Variants in ZNF547 observed in about 807,000 individuals in gnomAD.
ZNF547 encodes the protein zinc finger protein 547.
A neutral mutation model predicts 7.7 loss-of-function variants in ZNF547; 4 were observed. The observed-to-expected ratio is 0.52, with a 90% CI of 0.26 to 1.20. The LOEUF is 1.20. ZNF547 is among the 50% of genes most tolerant of loss of function. The probability of loss-of-function intolerance (pLI) is 0.14; values close to 1 mark genes in which losing one functional copy is unlikely to be tolerated. For synonymous variants in ZNF547, 166 were observed against 166.2 expected, an observed-to-expected ratio of 1.00 and a Z score of 0.01; for missense variants, 449 against 485.8, an observed-to-expected ratio of 0.92 and a Z score of 0.71.
chr19:57,367,888 C>G (rs2088480618), intron 1 of ZNF547, among the ~76,000 whole-genome samples: 1 of 152,194 alleles, frequency 6.6e-6, no homozygotes, highest in Non-Finnish European at 1.5e-5. Context: ...CCAGCAAGCT[C>G]CCCTCAGAGC....
intron 2 of ZNF547, among the ~76,000 whole-genome samples, chr19:57,369,202 G>A (rs8109770): frequency 0.46 from 69,988 of 151,872 alleles, 17,388 homozygotes; most frequent in African/African-American, 0.63. Context: ...TGTTGGTGGT[G>A]ACTTGTCAAG....
intron 2 of ZNF547, among the ~76,000 whole-genome samples, chr19:57,371,470 G>T (rs1434245350): frequency 6.6e-6 from 1 of 152,226 alleles, no homozygotes; most frequent in African/African-American, 2.4e-5. Context: ...ACAAGGCAGG[G>T]CTGGCTGTCA....
intron 1 of ZNF547, among the ~76,000 whole-genome samples, chr19:57,367,557 G>A (rs764534877): frequency 2.6e-5 from 4 of 152,122 alleles, no homozygotes; most frequent in Non-Finnish European, 5.9e-5. Flanking sequence ...GATACTTGGG[G>A]TTCACACCAT....
intron 1 of ZNF547, chr19:57,364,047 G>GGT (rs1568523373): frequency 3.8e-4 from 58 of 152,432 alleles, no homozygotes; most frequent in African/African-American, 1.3e-3. Flanking sequence ...GGAGGGGCAG[G>GGT]TCCAGAGTTA....
chr19:57,364,944 G>C (rs770581561), intron 1 of ZNF547: 1 of 1,612,964 alleles, frequency 6.2e-7, no homozygotes, highest in African/African-American at 1.3e-5. Context: ...ATCGTCATCT[G>C]AACCAGTTCA....
At position 57,375,392 on chromosome 19, in the gene ZNF547, G is replaced by C. The variant is rs921159256; in HGVS notation, c.152-1736G>C. Among the ~76,000 whole-genome samples the C allele has an allele frequency of 6.0e-5, 9 of 150,018 alleles. No homozygotes were observed. In the East Asian group the frequency reaches 1.8e-3, roughly 29 times the overall value. ...TTGGCCAGGCTTGGTGGCCCACTCCGGTAATCCCAGCACCTTGGGGGGGCT... is the reference window on the plus strand; with the variant it reads ...TTGGCCAGGCTTGGTGGCCCACTCCCGTAATCCCAGCACCTTGGGGGGGCT... On this transcript the variant is annotated intron_variant, in intron 3 of 3. Transcript: ENST00000282282.
Position 57,377,225 on chromosome 19 carries a change from C to G in ZNF547, c.249C>G (p.Thr83=). The change falls in exon 4 of 4, where the codon ACC becomes ACG. Residue 83 remains threonine (T), a synonymous_variant. Coordinates refer to ENST00000282282, the MANE Select transcript of ZNF547 (RefSeq NM_173631.4). ...TGGCTCCAAAGCCCTGTCTATCTAC[C>G]CAGAATACCCAGCCCTGTGAGACAT... The part of the protein sequence containing the change: ...QVMAPKPCLS[T]QNTQPCETCS... The G allele has an allele frequency of 6.2e-7, 1 of 1,614,166 alleles. No homozygotes were observed. Among genetic ancestry groups the G allele is most frequent in the Non-Finnish European group, 8.5e-7 (1 of 1,180,024 alleles).
rs1449320129 is a variant in ZNF547 at position 57,377,212 on chromosome 19, CCTGT to C, written c.239_242del (p.Cys80TyrfsTer16). The C allele has an allele frequency of 3.7e-6, 6 of 1,614,060 alleles. No homozygotes were observed. Among genetic ancestry groups the C allele is most frequent in the South Asian group, 1.1e-5 (1 of 91,084 alleles). ...GTGTCACAGGTCATGGCTCCAAAGC[CCTGT>C]CTATCTACCCAGAATACCCAGCCCT... On this transcript the variant is annotated frameshift_variant, in exon 4 of 4. Transcript: ENST00000282282. LOFTEE classifies it low-confidence loss of function (END_TRUNC).
At chr19:57,371,479 C>T (rs763198470) in intron 2 of ZNF547, 20 of 307,650 alleles carry the variant, frequency 6.5e-5, no homozygotes, top group Non-Finnish European at 1.1e-4. Context: ...GGCTGGCTGT[C>T]AGGATAGTTT....
At chr19:57,368,645 T>A in intron 2 of ZNF547, 66 bp downstream of exon 2, 1 of 1,510,290 alleles carries the variant, frequency 6.6e-7, no homozygotes, top group Non-Finnish European at 9.2e-7. Flanking sequence ...CACCTCCATG[T>A]AAAGAAAAGT....
In ZNF547 at chr19:57,371,715, A is replaced by T. The variant is rs759232010; in HGVS notation, c.25-67A>T. Reference sequence around the variant, plus strand: ...TGGGTGGTAAATATAAGTAGAAAATAAATAGAGAACTTAAGTAAATACAGT... The same window carrying T: ...TGGGTGGTAAATATAAGTAGAAAATTAATAGAGAACTTAAGTAAATACAGT... On this transcript the variant is annotated intron_variant, in intron 2 of 3. Transcript: ENST00000282282. 3 of 1,543,134 alleles carry T rather than the reference A, an allele frequency of 1.9e-6. No homozygotes were observed. The African/African-American group carries it at 4.2e-5, about 21-fold the overall frequency.
chr19:57,375,651 G>A (rs188512112), intron 3 of ZNF547, among the ~76,000 whole-genome samples: 1 of 118,112 alleles, frequency 8.5e-6, no homozygotes. Context: ...GAAAGAATGA[G>A]AGTTTGTCTC....
chr19:57,366,311 C>T (rs1050477602), intron 1 of ZNF547, among the ~76,000 whole-genome samples: 4 of 152,066 alleles, frequency 2.6e-5, no homozygotes, highest in South Asian at 2.1e-4. Context: ...GCCTCTGCCT[C>T]CCGGGTTCAA....
chr19:57,364,443 T>TGG, intron 1 of ZNF547: 1 of 206,440 alleles, frequency 4.8e-6, no homozygotes, highest in Middle Eastern at 2.0e-3. Context: ...GTGTAGATTC[T>TGG]TCAAAAGAAT....
At chr19:57,369,556 A>C (rs940594237) in intron 2 of ZNF547, among the ~76,000 whole-genome samples, 7 of 152,114 alleles carry the variant, frequency 4.6e-5, no homozygotes, top group Non-Finnish European at 1.0e-4. Context: ...TTATGGTGGC[A>C]GTGCTGTTCG....
chr19:57,365,220 A>C (rs1422609228), intron 1 of ZNF547: 2 of 1,583,224 alleles, frequency 1.3e-6, no homozygotes, highest in Non-Finnish European at 1.7e-6. Context: ...TTGACAGAAA[A>C]GTTCAGTTTC....
chr19:57,371,473 G>A (rs2088504030), intron 2 of ZNF547, among the ~76,000 whole-genome samples: 1 of 152,222 alleles, frequency 6.6e-6, no homozygotes, highest in African/African-American at 2.4e-5. Context: ...AGGCAGGGCT[G>A]GCTGTCAGGA....
At chr19:57,366,541 TA>T in intron 1 of ZNF547, among the ~76,000 whole-genome samples, 1 of 131,362 alleles carries the variant, frequency 7.6e-6, no homozygotes, top group Non-Finnish European at 1.6e-5. Flanking sequence ...CCAATTCAGA[TA>T]AATTGTTTTT....
chr19:57,375,741 G>T (rs2088532501), intron 3 of ZNF547, among the ~76,000 whole-genome samples: 1 of 149,966 alleles, frequency 6.7e-6, no homozygotes, highest in East Asian at 2.0e-4. Context: ...TTGACTCACA[G>T]TTCCGCATGG....
Sources: gnomAD v4.1 joint callset for allele counts (sites outside exome capture counted in the v4.1 genomes callset) on GRCh38, gnomAD v4.1.1 for gene constraint, MANE v1.5 for transcripts, NCBI Gene and HGNC (gene_info 2026-07-23, HGNC 2026-07-21) for gene names.